The following BRINP1 variants were observed in gnomAD, a reference collection of about 807,000 sequenced individuals.
The protein encoded by BRINP1 is BMP/retinoic acid inducible neural specific 1.
In BRINP1, 17 loss-of-function variants were observed where a neutral mutation model predicts 72.9. The ratio of observed to expected loss-of-function variants is 0.23; its 90% CI spans 0.16 to 0.35. The LOEUF is 0.35. Ranked by LOEUF, BRINP1 falls within the 10% of genes least tolerant of loss-of-function variation. BRINP1 has a pLI of 1.00. For synonymous variants in BRINP1, 418 were observed against 378.5 expected, an observed-to-expected ratio of 1.10 and a Z score of -1.21; for missense variants, 850 against 1,001.6, an observed-to-expected ratio of 0.85 and a Z score of 2.04.
intron 2 of BRINP1, among the ~76,000 whole-genome samples, chr9:119,252,762 T>C (rs1051811133): frequency 3.9e-5 from 6 of 152,056 alleles, no homozygotes; most frequent in African/African-American, 1.4e-4. Flanking sequence ...TTAATGTAAA[T>C]ATCGAGAGGT....
intron 2 of BRINP1, among the ~76,000 whole-genome samples, chr9:119,251,448 T>C (rs1286336447): frequency 1.3e-5 from 2 of 151,926 alleles, no homozygotes; most frequent in African/African-American, 4.8e-5. Flanking sequence ...CGAAGTGTGG[T>C]TAAAAACAAA....
In BRINP1 at chr9:119,268,103, C is replaced by T. The variant is rs975946482; in HGVS notation, c.219-18953G>A. On this transcript the variant is annotated intron_variant, in intron 2 of 7. Coordinates refer to ENST00000265922, the MANE Select transcript of BRINP1 (RefSeq NM_014618.3). Reference sequence around the variant, plus strand: ...ACTAAAAATACAAAACTTAGCTAGGCGTGGTGGCACATGCCTGTAATCCCA... The same window carrying T: ...ACTAAAAATACAAAACTTAGCTAGGTGTGGTGGCACATGCCTGTAATCCCA... 1.3e-4 allele frequency among the ~76,000 whole-genome samples: 19 copies of T among 151,990 alleles called. No individual in the cohort carries two copies. The East Asian group carries it at 3.1e-3, about 25-fold the overall frequency.
intron 1 of BRINP1, among the ~76,000 whole-genome samples, chr9:119,331,141 T>C (rs1831296690): frequency 6.6e-6 from 1 of 152,218 alleles, no homozygotes; most frequent in Non-Finnish European, 1.5e-5. Context: ...GATCAGTCCA[T>C]GATTCGACTT....
intron 2 of BRINP1, among the ~76,000 whole-genome samples, chr9:119,289,881 G>T (rs1830804749): frequency 6.6e-6 from 1 of 152,158 alleles, no homozygotes; most frequent in South Asian, 2.1e-4. Context: ...GAAGATGCAC[G>T]ACAGTCCCTA....
At chr9:119,183,661 A>T (rs1406563964) in intron 7 of BRINP1, among the ~76,000 whole-genome samples, 1 of 152,254 alleles carries the variant, frequency 6.6e-6, no homozygotes, top group African/African-American at 2.4e-5. Flanking sequence ...ATTGTCCTTT[A>T]AAACAATCAG....
At position 119,212,831 on chromosome 9, in the gene BRINP1, G is replaced by T. The variant is rs201085678; in HGVS notation, c.922+1088C>A. ...CATGGTCTTCTTTCCAAATCTTTCA[G>T]GGTGTTCTAGCTCAATGAAAGATAT... On this transcript the variant is annotated intron_variant, in intron 6 of 7. Coordinates refer to ENST00000265922, the MANE Select transcript of BRINP1 (RefSeq NM_014618.3). 3.9e-5 allele frequency among the ~76,000 whole-genome samples: 6 copies of T among 152,286 alleles called. No individual in the cohort carries two copies. The East Asian group carries it at 1.2e-3, about 30-fold the overall frequency.
chr9:119,206,435 A>G (rs1447494043), intron 7 of BRINP1, among the ~76,000 whole-genome samples: 5 of 150,716 alleles, frequency 3.3e-5, no homozygotes, highest in African/African-American at 9.7e-5. Context: ...AAAAAAAAAA[A>G]AAAAAAGAGA....
intron 5 of BRINP1, among the ~76,000 whole-genome samples, chr9:119,227,890 T>A (rs10118514): frequency 0.097 from 14,771 of 152,038 alleles, 885 homozygotes; most frequent in African/African-American, 0.17. Flanking sequence ...AACTCTTAGT[T>A]GGTGGGATGG....
At chr9:119,171,689 G>C (rs1328941475) in intron 7 of BRINP1, among the ~76,000 whole-genome samples, 2 of 105,508 alleles carry the variant, frequency 1.9e-5, no homozygotes, top group African/African-American at 4.0e-5. Context: ...ATTTTTTTCA[G>C]CACCACACCA....
chr9:119,346,912 C>T (rs866893112), intron 1 of BRINP1, among the ~76,000 whole-genome samples: 2 of 152,102 alleles, frequency 1.3e-5, no homozygotes, highest in Non-Finnish European at 2.9e-5. Flanking sequence ...TGACATTAAT[C>T]GGACATGTTA....
In BRINP1 at chr9:119,314,892, G is replaced by A. The variant is rs908359196; in HGVS notation, c.-50-1487C>T. Reference sequence around the variant, plus strand: ...ACAGTAAGTGCTCAATAAATGTCACGTATCATGATGAGGATAATGATGATG... The same window carrying A: ...ACAGTAAGTGCTCAATAAATGTCACATATCATGATGAGGATAATGATGATG... On this transcript the variant is annotated intron_variant, in intron 1 of 7. Transcript: ENST00000265922. 2.7e-4 allele frequency among the ~76,000 whole-genome samples: 41 copies of A among 152,162 alleles called. 1 individual carries two copies. The highest frequency in any genetic ancestry group is 2.5e-3 in the Admixed American group (38 of 15,288).
At chr9:119,366,609 A>G (rs1375272666) in intron 1 of BRINP1, among the ~76,000 whole-genome samples, 1 of 150,990 alleles carries the variant, frequency 6.6e-6, no homozygotes, top group East Asian at 1.9e-4. Context: ...CTTCAGGGCC[A>G]TGTTTCCAGA....
intron 1 of BRINP1, among the ~76,000 whole-genome samples, chr9:119,348,219 C>A (rs1298705808): frequency 2.0e-5 from 3 of 152,160 alleles, no homozygotes; most frequent in African/African-American, 7.2e-5. Context: ...ATACAATATA[C>A]ATCCTTTTCA....
intron 5 of BRINP1, among the ~76,000 whole-genome samples, chr9:119,231,989 C>T (rs1312668839): frequency 6.6e-6 from 1 of 152,104 alleles, no homozygotes; most frequent in Admixed American, 6.6e-5. Flanking sequence ...GTCTTCCACT[C>T]AACATCTACA....
chr9:119,326,006 A>G (rs1831236431), intron 1 of BRINP1, among the ~76,000 whole-genome samples: 1 of 152,180 alleles, frequency 6.6e-6, no homozygotes, highest in East Asian at 1.9e-4. Context: ...GGCTAAATTT[A>G]TTAGTAAGAG....
rs1411754436 is a variant in BRINP1, at chr9:119,167,787, AGAGT to A, written c.1579_1582del (p.Thr527SerfsTer14). On this transcript the variant is annotated frameshift_variant, in exon 8 of 8. Transcript: ENST00000265922. LOFTEE classifies it high-confidence loss of function. This position sits in a 1 kb window ranked among gnomAD's most constrained non-coding sequence, Gnocchi z 4.3. Reference sequence around the variant, plus strand: ...GTCCATGCGGTTCTTGTTGCTCTTGAGAGTGAGGGACATGCGCTTGCGCCACCGA... The same window carrying A: ...GTCCATGCGGTTCTTGTTGCTCTTGAGAGGGACATGCGCTTGCGCCACCGA... 1 of 1,613,786 alleles carries A rather than the reference AGAGT, an allele frequency of 6.2e-7. No individual in the cohort carries two copies. Among genetic ancestry groups the A allele is most frequent in the African/African-American group, 1.3e-5 (1 of 74,832 alleles).
intron 1 of BRINP1, among the ~76,000 whole-genome samples, chr9:119,314,069 A>T (rs1831100017): frequency 6.6e-6 from 1 of 152,204 alleles, no homozygotes. Context: ...CTTACAGTTC[A>T]CTTCTGCAAC....
intron 2 of BRINP1, among the ~76,000 whole-genome samples, chr9:119,281,825 T>TA (rs1830715966): frequency 1.3e-5 from 2 of 152,204 alleles, no homozygotes; most frequent in African/African-American, 4.8e-5. Context: ...TCAGTACACA[T>TA]AGATTGTTTT....
At chr9:119,172,476 G>A (rs536655753) in intron 7 of BRINP1, among the ~76,000 whole-genome samples, 1 of 152,070 alleles carries the variant, frequency 6.6e-6, no homozygotes, top group South Asian at 2.1e-4. Flanking sequence ...ATCTGAAATT[G>A]TGGCAATAAT....
Sources: allele counts gnomAD v4.1 joint callset (sites outside exome capture counted in the v4.1 genomes callset), GRCh38; gene constraint gnomAD v4.1.1; non-coding constraint Gnocchi (gnomAD v3.1); transcripts MANE v1.5; gene names NCBI Gene and HGNC (gene_info 2026-07-23, HGNC 2026-07-21).